Variants in DLC1 observed in about 807,000 individuals in gnomAD.
DLC1 encodes the protein DLC1 Rho GTPase activating protein.
Under a neutral mutation model 140.3 loss-of-function variants are expected in DLC1, and 54 were observed. The observed-to-expected ratio is 0.38, with a 90% CI of 0.31 to 0.48. DLC1 has a LOEUF of 0.48. Among genes scored for constraint, DLC1 ranks in the 20% least tolerant of loss-of-function variants. The probability of loss-of-function intolerance (pLI) is 0.96; values close to 1 mark genes in which losing one functional copy is unlikely to be tolerated. For synonymous variants in DLC1, 986 were observed against 728.1 expected (o/e 1.35, Z -5.70); for missense variants, 2,536 against 1,907.0 (o/e 1.33, Z -6.14).
intron 5 of DLC1, among the ~76,000 whole-genome samples, chr8:13,194,038 A>C (rs975105383): frequency 5.9e-5 from 9 of 152,236 alleles, no homozygotes; most frequent in African/African-American, 2.2e-4. Flanking sequence ...AGAGTCAATG[A>C]TAGAGAGTGG....
Position 13,099,945 on chromosome 8 carries a change from G to C in DLC1, c.2392C>G (p.Arg798Gly), listed in dbSNP as rs771203743. 4 of 1,613,148 alleles carry C rather than the reference G, an allele frequency of 2.5e-6. No homozygotes were observed. Among genetic ancestry groups the C allele is most frequent in the Non-Finnish European group, 2.5e-6 (3 of 1,180,022 alleles). ...ACCGTGTCCTCTGGGTAGCTCTCGC[G>C]GTTCTTAAAGTTCTGCTCCACCACG... ...NNVVEQNFKN[R>G]ESYPEDTVFY... The change falls in exon 9 of 18, where the codon CGC (arginine) becomes GGC (glycine). Residue 798 changes from arginine to glycine, a missense_variant. Coordinates refer to ENST00000276297, the MANE Select transcript of DLC1 (RefSeq NM_182643.3).
chr8:13,542,073 C>G (rs545139833), intron 1 of DLC1, among the ~76,000 whole-genome samples: 25 of 152,218 alleles, frequency 1.6e-4, no homozygotes, highest in Non-Finnish European at 2.4e-4. Flanking sequence ...ATGTTGCAGT[C>G]CAGTTTAACA....
chr8:13,515,899 T>C (rs1436759828), upstream of DLC1, among the ~76,000 whole-genome samples: 1 of 152,186 alleles, frequency 6.6e-6, no homozygotes, highest in Non-Finnish European at 1.5e-5. Flanking sequence ...CTGAAGTCGT[T>C]TCAGGAAAAA....
In DLC1 at chr8:13,326,744, G is replaced by C. The variant is rs563948181; in HGVS notation, c.1315-21442C>G. On this transcript the variant is annotated intron_variant, in intron 4 of 17. Coordinates refer to ENST00000276297, the MANE Select transcript of DLC1 (RefSeq NM_182643.3). ...GCTCTCAAAGTTTTCTGATTCTGTA[G>C]GTCATTAGATCAAGGGTGGGGCTGA... 3.3e-5 allele frequency among the ~76,000 whole-genome samples: 5 copies of C among 152,282 alleles called. No homozygotes were observed. The South Asian group carries it at 6.2e-4, about 19-fold the overall frequency.
At chr8:13,551,075 C>CACACACACACACACACACACT (rs71207163) in intron 1 of DLC1, among the ~76,000 whole-genome samples, 4 of 121,716 alleles carry the variant, frequency 3.3e-5, no homozygotes, top group African/African-American at 1.2e-4. Context: ...CACACACACA[C>CACACACACACACACACACACT]TTTTTTTTTT....
At position 13,208,904 on chromosome 8, in the gene DLC1, T is replaced by C. The variant is rs527396768; in HGVS notation, c.1349-93247A>G. The stretch of plus-strand genomic sequence containing the variant: ...AAAATGAATGGCCTAACATCTCTTA[T>C]TTGCAGCTTAAGTTGTGAAAATATC... On this transcript the variant is annotated intron_variant, in intron 5 of 17. Transcript: ENST00000276297. Among the ~76,000 whole-genome samples, 12 of 152,294 alleles carry C rather than the reference T, an allele frequency of 7.9e-5. No individual in the cohort carries two copies. The East Asian group carries it at 2.1e-3, about 27-fold the overall frequency.
intron 2 of DLC1, among the ~76,000 whole-genome samples, chr8:13,479,521 G>C (rs1212252698): frequency 6.6e-6 from 1 of 152,178 alleles, no homozygotes; most frequent in African/African-American, 2.4e-5. Flanking sequence ...GCTGATAAAA[G>C]TTATGGCTTC....
chr8:13,189,444 C>G (rs916647380), intron 5 of DLC1, among the ~76,000 whole-genome samples: 1 of 151,828 alleles, frequency 6.6e-6, no homozygotes, highest in African/African-American at 2.4e-5. Context: ...TGCCATTGCA[C>G]TCCACCCAAG....
intron 1 of DLC1, among the ~76,000 whole-genome samples, chr8:13,586,933 T>C (rs1218357957): frequency 6.6e-6 from 1 of 152,164 alleles, no homozygotes; most frequent in African/African-American, 2.4e-5. Context: ...CCCACCTGCA[T>C]CAGGTGCCTC....
At chr8:13,483,744 A>T (rs763413021) in intron 2 of DLC1, among the ~76,000 whole-genome samples, 2 of 152,130 alleles carry the variant, frequency 1.3e-5, no homozygotes, top group Non-Finnish European at 2.9e-5. Flanking sequence ...CCATATTGGA[A>T]TTTTGAAGCA....
intron 2 of DLC1, among the ~76,000 whole-genome samples, chr8:13,474,663 A>G (rs996835399): frequency 6.6e-6 from 1 of 152,214 alleles, no homozygotes; most frequent in African/African-American, 2.4e-5. Context: ...ACTCAAGATC[A>G]TAGGAACACA....
intron 5 of DLC1, among the ~76,000 whole-genome samples, chr8:13,288,609 C>T (rs941948827): frequency 6.6e-6 from 1 of 152,210 alleles, no homozygotes; most frequent in Non-Finnish European, 1.5e-5. Flanking sequence ...TACCACTTAG[C>T]TGTTACTGCT....
chr8:13,352,748 G>GT (rs546935051), intron 4 of DLC1, among the ~76,000 whole-genome samples: 8 of 152,166 alleles, frequency 5.3e-5, no homozygotes, highest in African/African-American at 1.4e-4. Context: ...ATAATACACT[G>GT]TTTTTTTGGA....
intron 5 of DLC1, among the ~76,000 whole-genome samples, chr8:13,123,090 G>C (rs1821239632): frequency 6.6e-6 from 1 of 152,174 alleles, no homozygotes; most frequent in African/African-American, 2.4e-5. Flanking sequence ...GCGCGTATGA[G>C]GACCCTCTAT....
rs1479131350 is a variant in DLC1 at position 13,296,684 on chromosome 8, GC to G, written c.1348+8584del. ...CTCTGTGCAAGATATCACATGGCAT[GC>G]GGGGTGACAAAAAACGAAATGGGAG... On this transcript the variant is annotated intron_variant, in intron 5 of 17. Coordinates refer to ENST00000276297, the MANE Select transcript of DLC1 (RefSeq NM_182643.3). Among the ~76,000 whole-genome samples, 5 of 152,044 alleles carry G rather than the reference GC, an allele frequency of 3.3e-5. No homozygotes were observed. In the East Asian group the frequency reaches 9.7e-4, roughly 29 times the overall value.
intron 5 of DLC1, among the ~76,000 whole-genome samples, chr8:13,248,593 A>AC (rs35505760): frequency 3.9e-5 from 6 of 151,942 alleles, no homozygotes; most frequent in African/African-American, 1.4e-4. Flanking sequence ...CTCTGCGGAC[A>AC]CCCCCCACAT....
Position 13,586,439 on chromosome 8 carries a change from G to T in DLC1, c.-126+18098C>A, listed in dbSNP as rs181463138. Among the ~76,000 whole-genome samples the T allele has an allele frequency of 1.6e-3, 248 of 152,258 alleles. 1 individual carries two copies. In the East Asian group the frequency reaches 0.041, roughly 25 times the overall value. ...ATACGTTCTCATTATGTACATGCTG[G>T]TGTCATCAGCAGATGTTAAAGATAT... On this transcript the variant is annotated intron_variant, in intron 1 of 1. Transcript: ENST00000631382.
At chr8:13,108,846 A>C (rs149195795) in intron 7 of DLC1, among the ~76,000 whole-genome samples, 39 of 152,340 alleles carry the variant, frequency 2.6e-4, no homozygotes, top group African/African-American at 9.1e-4. Context: ...GGAGTAGTTC[A>C]TATTCCAGAT....
chr8:13,535,491 G>T (rs1355503003), intron 1 of DLC1, among the ~76,000 whole-genome samples: 2 of 151,852 alleles, frequency 1.3e-5, no homozygotes, highest in South Asian at 4.2e-4. Flanking sequence ...GATATCTCCA[G>T]AAAATGTTGA....
Sources: allele counts gnomAD v4.1 joint callset (sites outside exome capture counted in the v4.1 genomes callset), GRCh38; gene constraint gnomAD v4.1.1; transcripts MANE v1.5; gene names NCBI Gene and HGNC (gene_info 2026-07-23, HGNC 2026-07-21).